The following CNTNAP2 variants were observed in gnomAD, a reference collection of about 807,000 sequenced individuals.
CNTNAP2 encodes contactin-associated protein-like 2.
CNTNAP2 carries 98 observed loss-of-function variants against 155.2 expected under a neutral mutation model. That is an observed-to-expected ratio of 0.63 (90% CI 0.54 to 0.75). The LOEUF is 0.75. Among genes scored for constraint, CNTNAP2 ranks in the 30% least tolerant of loss-of-function variants. The pLI, the probability that CNTNAP2 is intolerant of heterozygous loss-of-function variation, is 0.00. For synonymous variants in CNTNAP2, 651 were observed against 631.2 expected (o/e 1.03, Z -0.47); for missense variants, 1,727 against 1,688.1 (o/e 1.02, Z -0.40).
intron 8 of CNTNAP2, among the ~76,000 whole-genome samples, chr7:147,249,511 C>A (rs1804139454): frequency 6.8e-6 from 1 of 147,256 alleles, no homozygotes; most frequent in African/African-American, 2.5e-5. Flanking sequence ...TTTGAACACA[C>A]CAACAATGGT....
chr7:147,378,195 G>A (rs929666550), intron 9 of CNTNAP2: 7 of 291,454 alleles, frequency 2.4e-5, no homozygotes, highest in African/African-American at 4.6e-5. Flanking sequence ...TGACATTGTC[G>A]ATATTCAATC....
rs148549822 is a variant in CNTNAP2, at chr7:147,841,992, T to A, written c.2099-61573T>A. Among the ~76,000 whole-genome samples the A allele has an allele frequency of 2.7e-3, 414 of 152,228 alleles. 2 individuals carry two copies. Among genetic ancestry groups the A allele is most frequent in the Middle Eastern group, 0.01 (3 of 290 alleles). On this transcript the variant is annotated intron_variant, in intron 13 of 23. Coordinates refer to ENST00000361727, the MANE Select transcript of CNTNAP2 (RefSeq NM_014141.6). Reference sequence around the variant, plus strand: ...CAAACTGAATTCAGAAAGTAAAAATTATGATACACAGTTTATATTGGTCAA... The same window carrying A: ...CAAACTGAATTCAGAAAGTAAAAATAATGATACACAGTTTATATTGGTCAA...
At chr7:147,020,722 A>C (rs1798803778) in intron 3 of CNTNAP2, among the ~76,000 whole-genome samples, 1 of 152,184 alleles carries the variant, frequency 6.6e-6, no homozygotes, top group Non-Finnish European at 1.5e-5. Context: ...TTTCTAAATA[A>C]TATTGCCTTT....
chr7:147,466,321 A>T (rs1798118501), intron 10 of CNTNAP2, among the ~76,000 whole-genome samples: 1 of 152,208 alleles, frequency 6.6e-6, no homozygotes, highest in Non-Finnish European at 1.5e-5. Flanking sequence ...CCTACAGTCA[A>T]ACAATATACA....
intron 1 of CNTNAP2, among the ~76,000 whole-genome samples, chr7:146,721,825 CTATA>C (rs1202522762): frequency 3.0e-5 from 3 of 101,250 alleles, no homozygotes; most frequent in Non-Finnish European, 5.3e-5. Flanking sequence ...TATATGTAGA[CTATA>C]TATAGTCTAT....
At chr7:147,427,803 T>C (rs973726856) in intron 10 of CNTNAP2, among the ~76,000 whole-genome samples, 1 of 152,160 alleles carries the variant, frequency 6.6e-6, no homozygotes, top group South Asian at 2.1e-4. Flanking sequence ...AATCAACCTT[T>C]ATCTTTTTTG....
At chr7:148,123,647 G>GGAAGGAAGGAAGGAAT (rs1804649284) in intron 16 of CNTNAP2, among the ~76,000 whole-genome samples, 9 of 132,808 alleles carry the variant, frequency 6.8e-5, no homozygotes, top group African/African-American at 2.8e-4. Flanking sequence ...AAGGAAGGAA[G>GGAAGGAAGGAAGGAAT]GAAGGAAGGA....
intron 13 of CNTNAP2, among the ~76,000 whole-genome samples, chr7:147,863,464 T>C (rs1192022488): frequency 2.0e-5 from 3 of 152,128 alleles, no homozygotes; most frequent in Non-Finnish European, 4.4e-5. Context: ...ATCACTGGGT[T>C]AAATGGTATT....
intron 15 of CNTNAP2, among the ~76,000 whole-genome samples, chr7:148,006,150 G>A (rs73466130): frequency 0.017 from 2,528 of 151,302 alleles, 87 homozygotes; most frequent in African/African-American, 0.057. Context: ...TGAGCCCAAA[G>A]GCTAATAAAA....
intron 13 of CNTNAP2, among the ~76,000 whole-genome samples, chr7:147,755,007 T>C (rs1797194703): frequency 6.6e-6 from 1 of 152,242 alleles, no homozygotes; most frequent in African/African-American, 2.4e-5. Flanking sequence ...CCATTATCTA[T>C]TGATTTTTAT....
intron 2 of CNTNAP2, among the ~76,000 whole-genome samples, chr7:146,802,451 C>A (rs956850670): frequency 6.6e-6 from 1 of 152,142 alleles, no homozygotes; most frequent in African/African-American, 2.4e-5. Context: ...GCACCCAAAT[C>A]TCATGTTAAA....
At chr7:146,974,816 T>C (rs995822413) in intron 3 of CNTNAP2, among the ~76,000 whole-genome samples, 13 of 151,974 alleles carry the variant, frequency 8.6e-5, no homozygotes, top group African/African-American at 3.1e-4. Context: ...CTGGCCAACA[T>C]GGTGAAATCC....
intron 9 of CNTNAP2, among the ~76,000 whole-genome samples, chr7:147,367,494 A>G (rs1357627564): frequency 2.0e-5 from 3 of 152,218 alleles, no homozygotes; most frequent in Non-Finnish European, 4.4e-5. Context: ...AAATTGCTAT[A>G]AGGCTAGTCC....
chr7:147,125,369 T>C (rs1801211599), intron 6 of CNTNAP2, among the ~76,000 whole-genome samples: 1 of 152,156 alleles, frequency 6.6e-6, no homozygotes, highest in Admixed American at 6.6e-5. Flanking sequence ...CCCCTCCTCT[T>C]GTAGCTGCCT....
chr7:148,019,903 GC>G (rs1385628006), intron 15 of CNTNAP2, among the ~76,000 whole-genome samples: 2 of 152,090 alleles, frequency 1.3e-5, no homozygotes, highest in African/African-American at 4.8e-5. Context: ...TCCTCCCTCA[GC>G]CTCCCAAGTA....
chr7:148,048,321 C>A (rs1450304061), intron 15 of CNTNAP2, among the ~76,000 whole-genome samples: 1 of 152,180 alleles, frequency 6.6e-6, no homozygotes, highest in Non-Finnish European at 1.5e-5. Flanking sequence ...TATCACTCAA[C>A]TTCTGGGGGC....
At chr7:147,331,949 T>G (rs948954112) in intron 9 of CNTNAP2, among the ~76,000 whole-genome samples, 3 of 152,224 alleles carry the variant, frequency 2.0e-5, no homozygotes, top group Non-Finnish European at 4.4e-5. Context: ...GTTCACAACA[T>G]GTTTCAAAAC....
intron 9 of CNTNAP2, among the ~76,000 whole-genome samples, chr7:147,320,546 C>T (rs930790834): frequency 1.3e-5 from 2 of 152,170 alleles, no homozygotes; most frequent in East Asian, 1.9e-4. Flanking sequence ...GTTATTGCAT[C>T]CATCTCAAAT....
chr7:147,434,019 T>C lies in CNTNAP2; in HGVS notation c.1670+38239T>C, dbSNP rs573923090. On this transcript the variant is annotated intron_variant, in intron 10 of 23. Transcript: ENST00000361727. The stretch of plus-strand genomic sequence containing the variant: ...TAAATACCTTATCAGTCCTCTAAAA[T>C]AATCCAAGCTTAATAGGAAAAAAAA... Among the ~76,000 whole-genome samples, 60 of 152,264 alleles carry C rather than the reference T, an allele frequency of 3.9e-4. 1 individual carries two copies. The highest frequency in any genetic ancestry group is 1.4e-3 in the African/African-American group (58 of 41,556).
Sources: gnomAD v4.1 joint callset for allele counts (sites outside exome capture counted in the v4.1 genomes callset) on GRCh38, gnomAD v4.1.1 for gene constraint, MANE v1.5 for transcripts, NCBI Gene and HGNC (gene_info 2026-07-23, HGNC 2026-07-21) for gene names.